Variants in GRAMD1B observed in about 807,000 individuals in gnomAD.
GRAMD1B encodes protein Aster-B.
GRAMD1B carries 37 observed loss-of-function variants against 99.7 expected under a neutral mutation model. The observed-to-expected ratio is 0.37, with a 90% CI of 0.29 to 0.49. The LOEUF (loss-of-function observed/expected upper bound fraction) is 0.49, where lower values mean the gene tolerates loss of function less well. Among genes scored for constraint, GRAMD1B ranks in the 20% least tolerant of loss-of-function variants. GRAMD1B has a pLI of 0.98. For synonymous variants in GRAMD1B, 427 were observed against 387.6 expected (o/e 1.10, Z -1.19); for missense variants, 888 against 1,009.2 (o/e 0.88, Z 1.63).
rs1310036362 is a variant in GRAMD1B at position 123,614,825 on chromosome 11, A to G, written c.2308A>G (p.Ile770Val). Residue 770 changes from isoleucine (I) to valine (V), a missense_variant, in exon 17 of 20, where the codon ATC (isoleucine) becomes GTC (valine). Coordinates refer to ENST00000635736, the MANE Select transcript of GRAMD1B (RefSeq NM_001387025.1). ...GAGCGTGTCCAAGCTGCTGCTGGTT[A>G]TCAGCTGTGTGTAAGGGATTCTAGG... ...LQSVSKLLLV[I>V]SCVLVLLVIL... is the part of the protein sequence containing the mutation. The G allele has an allele frequency of 1.9e-6, 3 of 1,604,536 alleles. No homozygotes were observed. Among genetic ancestry groups the G allele is most frequent in the Middle Eastern group, 1.7e-4 (1 of 6,040 alleles).
In GRAMD1B at chr11:123,598,701, G is replaced by A; in HGVS notation, c.970-1767G>A. 1.2e-5 allele frequency: 12 copies of A among 969,256 alleles called. No individual in the cohort carries two copies. The South Asian group carries it at 1.5e-4, about 12-fold the overall frequency. 60.0% of individuals were successfully genotyped at this position (969,256 alleles called of 1,614,324 possible). A position where few individuals can be genotyped will look rare whatever the true frequency, so the allele number is the denominator to read the frequency against. ...ACCCAGAGAGGCCAACTCCTCCCAG[G>A]AGGAGAATGCAGAGAGGTCAAGATG... On this transcript the variant is annotated intron_variant, in intron 7 of 19. Coordinates refer to ENST00000635736, the MANE Select transcript of GRAMD1B (RefSeq NM_001387025.1).
intron 19 of GRAMD1B, 80 bp downstream of exon 19, chr11:123,619,304 G>T: frequency 6.5e-7 from 1 of 1,535,742 alleles, no homozygotes. Flanking sequence ...AAAGATCCTC[G>T]TCTCTATCAC....
At chr11:123,529,826 C>T (rs1386102489) in intron 2 of GRAMD1B, among the ~76,000 whole-genome samples, 3 of 152,078 alleles carry the variant, frequency 2.0e-5, no homozygotes, top group Non-Finnish European at 2.9e-5. Context: ...GGTTCTGGCC[C>T]CCATAGGACT....
At chr11:123,539,444 A>T (rs1348856391) in intron 2 of GRAMD1B, among the ~76,000 whole-genome samples, 2 of 151,964 alleles carry the variant, frequency 1.3e-5, no homozygotes, top group Non-Finnish European at 2.9e-5. Context: ...TCCAAAAATA[A>T]AAATAAAAAT....
intron 2 of GRAMD1B, among the ~76,000 whole-genome samples, chr11:123,513,428 C>T (rs967438446): frequency 1.3e-5 from 2 of 151,918 alleles, no homozygotes; most frequent in East Asian, 3.9e-4. Context: ...ATCTGATAGC[C>T]TGACCTGACT....
chr11:123,402,177 AGCTAATTTTT>A (rs1029117867), intron 1 of GRAMD1B, among the ~76,000 whole-genome samples: 133 of 152,218 alleles, frequency 8.7e-4, no homozygotes, highest in African/African-American at 3.1e-3. Context: ...CACCACACCC[AGCTAATTTTT>A]GTATTTTTAG....
intron 2 of GRAMD1B, among the ~76,000 whole-genome samples, chr11:123,499,226 G>A (rs1939606670): frequency 6.6e-6 from 1 of 152,194 alleles, no homozygotes; most frequent in African/African-American, 2.4e-5. Flanking sequence ...AAAGAAGAGG[G>A]AGAGAGACAT....
chr11:123,411,547 T>C (rs913803749), intron 1 of GRAMD1B, among the ~76,000 whole-genome samples: 4 of 152,230 alleles, frequency 2.6e-5, no homozygotes, highest in Admixed American at 2.6e-4. Context: ...GGGCTTGGTA[T>C]TATTGGCTTA....
At chr11:123,485,279 T>C (rs902608570) in intron 2 of GRAMD1B, among the ~76,000 whole-genome samples, 3 of 152,236 alleles carry the variant, frequency 2.0e-5, no homozygotes, top group African/African-American at 7.2e-5. Context: ...TTAAAATCTT[T>C]CAGTACCAGA....
chr11:123,608,863 C>T lies in GRAMD1B; in HGVS notation c.1657+61C>T, dbSNP rs1218669147. 6 of 1,123,374 alleles carry T rather than the reference C, an allele frequency of 5.3e-6. No individual in the cohort carries two copies. In the South Asian group the frequency reaches 7.6e-5, roughly 14 times the overall value. The allele number at this position is 1,123,374 out of a possible 1,614,324, so 69.6% of individuals were successfully genotyped here. On this transcript the variant is annotated intron_variant, in intron 12 of 19. Coordinates refer to ENST00000635736, the MANE Select transcript of GRAMD1B (RefSeq NM_001387025.1). The stretch of plus-strand genomic sequence containing the variant: ...CTCTTCATCCTCACTTCTTCCCTCT[C>T]TACATTTGCTTCCTTCCCTTCCTTA...
intron 2 of GRAMD1B, among the ~76,000 whole-genome samples, chr11:123,543,992 C>T (rs2135741270): frequency 6.6e-6 from 1 of 152,306 alleles, no homozygotes; most frequent in East Asian, 1.9e-4. Context: ...ATATTGTTAG[C>T]AGTTGAATAA....
chr11:123,438,512 ACTC>A (rs1196124368), intron 1 of GRAMD1B, among the ~76,000 whole-genome samples: 1 of 151,774 alleles, frequency 6.6e-6, no homozygotes. Context: ...GTCTAGGTGG[ACTC>A]CTCCGTGAGA....
At chr11:123,487,613 T>A (rs1937997293) in intron 2 of GRAMD1B, among the ~76,000 whole-genome samples, 1 of 152,140 alleles carries the variant, frequency 6.6e-6, no homozygotes, top group African/African-American at 2.4e-5. Context: ...TTTGTTTGAT[T>A]TTGTTTTTTT....
intron 2 of GRAMD1B, among the ~76,000 whole-genome samples, chr11:123,549,459 G>A (rs543779696): frequency 7.9e-5 from 12 of 152,116 alleles, no homozygotes; most frequent in African/African-American, 2.2e-4. Flanking sequence ...GGAGAACGGC[G>A]TGAACCTGGG....
intron 2 of GRAMD1B, among the ~76,000 whole-genome samples, chr11:123,533,636 A>G (rs910750368): frequency 4.6e-5 from 7 of 152,120 alleles, no homozygotes; most frequent in African/African-American, 1.7e-4. Flanking sequence ...CATGTTGACC[A>G]GGCTGGTCTT....
At chr11:123,531,792 A>G (rs1943413068) in intron 2 of GRAMD1B, among the ~76,000 whole-genome samples, 1 of 139,724 alleles carries the variant, frequency 7.2e-6, no homozygotes, top group African/African-American at 2.7e-5. Context: ...CTGAAGTGCA[A>G]TGGTGCGATC....
chr11:123,385,313 A>G (rs1427677502), intron 1 of GRAMD1B, among the ~76,000 whole-genome samples: 3 of 152,110 alleles, frequency 2.0e-5, no homozygotes, highest in African/African-American at 4.8e-5. Flanking sequence ...TACCTTGATC[A>G]CTGCCTCCCC....
chr11:123,525,932 A>C lies in GRAMD1B; in HGVS notation c.452+45039A>C, dbSNP rs527530113. On this transcript the variant is annotated intron_variant, in intron 2 of 19. Coordinates refer to ENST00000635736, the MANE Select transcript of GRAMD1B (RefSeq NM_001387025.1). ...TTGCAGAATCTGTCCTTTGCCTCCA[A>C]GCCCAGCTTTCAGCTGGGAGAGGGG... 9.6e-5 allele frequency: 56 copies of C among 581,252 alleles called. No homozygotes were observed. In the South Asian group the frequency reaches 1.2e-3, roughly 12 times the overall value. 36.0% of individuals were successfully genotyped at this position (581,252 alleles called of 1,614,324 possible). A position where few individuals can be genotyped will look rare whatever the true frequency, so the allele number is the denominator to read the frequency against.
intron 2 of GRAMD1B, among the ~76,000 whole-genome samples, chr11:123,503,010 G>C (rs1300384369): frequency 2.0e-5 from 3 of 152,126 alleles, no homozygotes; most frequent in Admixed American, 2.0e-4. Flanking sequence ...ATCATGGTGA[G>C]AAAGTATTAT....
Sources: gnomAD v4.1 joint callset for allele counts (sites outside exome capture counted in the v4.1 genomes callset) on GRCh38, gnomAD v4.1.1 for gene constraint, MANE v1.5 for transcripts, NCBI Gene and HGNC (gene_info 2026-07-23, HGNC 2026-07-21) for gene names.